The following PAX5 variants were observed in gnomAD, a reference collection of about 807,000 sequenced individuals.
PAX5 encodes the protein paired box 5, also known as paired box protein Pax-5.
Under a neutral mutation model 43.7 loss-of-function variants are expected in PAX5, and 9 were observed. That is an observed-to-expected ratio of 0.21 (90% CI 0.12 to 0.36). PAX5 has a LOEUF of 0.36. Among genes scored for constraint, PAX5 ranks in the 10% least tolerant of loss-of-function variants. The probability of loss-of-function intolerance (pLI) is 1.00; values close to 1 mark genes in which losing one functional copy is unlikely to be tolerated. For missense variants in PAX5, 383 were observed against 532.7 expected (o/e 0.72, Z 2.77); for synonymous variants, 228 against 214.3 (o/e 1.06, Z -0.56).
chr9:36,968,544 A>T (rs1385262536), intron 5 of PAX5, among the ~76,000 whole-genome samples: 1 of 152,186 alleles, frequency 6.6e-6, no homozygotes, highest in Non-Finnish European at 1.5e-5. Flanking sequence ...GAGAAAATGG[A>T]TTCCCCACCA....
intron 5 of PAX5, among the ~76,000 whole-genome samples, chr9:36,970,357 A>G (rs1834832949): frequency 6.6e-6 from 1 of 152,082 alleles, no homozygotes; most frequent in African/African-American, 2.4e-5. Flanking sequence ...GGTGAAAGGA[A>G]CAGAGGGAGA....
chr9:36,899,713 T>C (rs1828200103), intron 7 of PAX5, among the ~76,000 whole-genome samples: 1 of 152,138 alleles, frequency 6.6e-6, no homozygotes, highest in Non-Finnish European at 1.5e-5. Context: ...TTCTTCTCCC[T>C]TACTTTTTCC....
chr9:36,927,077 G>T (rs980653404), intron 6 of PAX5, among the ~76,000 whole-genome samples: 1 of 152,148 alleles, frequency 6.6e-6, no homozygotes, highest in Admixed American at 6.5e-5. Context: ...GTTAGAGGGG[G>T]TGCAAGCGTA....
intron 7 of PAX5, among the ~76,000 whole-genome samples, chr9:36,913,313 C>G (rs1829456835): frequency 6.6e-6 from 1 of 152,276 alleles, no homozygotes; most frequent in South Asian, 2.1e-4. Flanking sequence ...CTCCTCCTCA[C>G]ATGCCAACTT....
chr9:36,970,945 C>T (rs796440256), intron 5 of PAX5, among the ~76,000 whole-genome samples: 34 of 152,254 alleles, frequency 2.2e-4, no homozygotes, highest in African/African-American at 7.9e-4. Context: ...TCCTCCAAAG[C>T]GAATATCTGT....
At chr9:36,878,543 T>C (rs1826123652) in intron 8 of PAX5, among the ~76,000 whole-genome samples, 1 of 152,156 alleles carries the variant, frequency 6.6e-6, no homozygotes, top group Non-Finnish European at 1.5e-5. Context: ...TCAAGAATGA[T>C]GAAGGAACTG....
rs1829261731 is a variant in PAX5 at position 36,911,296 on chromosome 9, G to A, written c.910+12059C>T. Among the ~76,000 whole-genome samples, 3 of 152,070 alleles carry A rather than the reference G, an allele frequency of 2.0e-5. No homozygotes were observed. In the South Asian group the frequency reaches 6.2e-4, roughly 32 times the overall value. ...GAGAGCCCAATAAGCTGTAACTACT[G>A]ATATTATCTCCTTTCCAATGCACAA... On this transcript the variant is annotated intron_variant, in intron 7 of 9. Coordinates refer to ENST00000358127, the MANE Select transcript of PAX5 (RefSeq NM_016734.3).
chr9:36,947,819 G>A lies in PAX5; in HGVS notation c.780+18730C>T, dbSNP rs75421820. On this transcript the variant is annotated intron_variant, in intron 6 of 9. Coordinates refer to ENST00000358127, the MANE Select transcript of PAX5 (RefSeq NM_016734.3). The stretch of plus-strand genomic sequence containing the variant: ...CTACTCTCCCTTTCCCAGACTGAAC[G>A]CATATGCATATGTCTCCATGCTTTT... Among the ~76,000 whole-genome samples the A allele has an allele frequency of 2.1e-4, 32 of 149,406 alleles. 1 individual carries two copies. The South Asian group carries it at 6.3e-3, about 29-fold the overall frequency.
At chr9:36,989,411 TG>T (rs1588158118) in intron 5 of PAX5, among the ~76,000 whole-genome samples, 1 of 152,350 alleles carries the variant, frequency 6.6e-6, no homozygotes, top group East Asian at 1.9e-4. Flanking sequence ...TCACTCTCTC[TG>T]TATCTCTATA....
At chr9:36,983,451 T>G (rs968483535) in intron 5 of PAX5, among the ~76,000 whole-genome samples, 2 of 152,244 alleles carry the variant, frequency 1.3e-5, no homozygotes, top group African/African-American at 4.8e-5. Flanking sequence ...TATCATTTTA[T>G]TATGATTTTA....
intron 1 of PAX5, among the ~76,000 whole-genome samples, chr9:37,025,847 C>G (rs1319452903): frequency 6.6e-6 from 1 of 152,264 alleles, no homozygotes; most frequent in South Asian, 2.1e-4. Context: ...CGTTTCTTAT[C>G]CTCTTTTTTT....
intron 6 of PAX5, among the ~76,000 whole-genome samples, chr9:36,950,868 G>A (rs1832945701): frequency 6.6e-6 from 1 of 151,222 alleles, no homozygotes; most frequent in Non-Finnish European, 1.5e-5. Flanking sequence ...AGCCTCCCAA[G>A]TAGCTGGGAT....
At chr9:37,030,521 G>T (rs1160702279) in intron 1 of PAX5, among the ~76,000 whole-genome samples, 1 of 152,232 alleles carries the variant, frequency 6.6e-6, no homozygotes, top group Non-Finnish European at 1.5e-5. Flanking sequence ...GCCTCACTCT[G>T]ATCTACAGTG....
chr9:36,959,488 A>C (rs186932684), intron 6 of PAX5, among the ~76,000 whole-genome samples: 1 of 152,262 alleles, frequency 6.6e-6, no homozygotes, highest in African/African-American at 2.4e-5. Flanking sequence ...CCTAGGTAAG[A>C]ATTTTCAGTT....
intron 6 of PAX5, among the ~76,000 whole-genome samples, chr9:36,937,174 G>A (rs986728152): frequency 1.3e-5 from 2 of 152,162 alleles, no homozygotes; most frequent in African/African-American, 4.8e-5. Context: ...CATTGACTGG[G>A]TGCTTACTGT....
chr9:36,864,343 A>T (rs1276802520), intron 8 of PAX5: 1 of 154,280 alleles, frequency 6.5e-6, no homozygotes, highest in Non-Finnish European at 1.5e-5. Flanking sequence ...GAGCCTGAGG[A>T]GTTCCAGGAG....
At chr9:36,853,959 G>A (rs554291074) in intron 8 of PAX5, among the ~76,000 whole-genome samples, 3 of 152,216 alleles carry the variant, frequency 2.0e-5, no homozygotes, top group Non-Finnish European at 2.9e-5. Context: ...TTTGCAGAGC[G>A]CACTGGGGGC....
Position 36,839,392 on chromosome 9 carries a change from G to A in PAX5, c.*1168C>T, listed in dbSNP as rs1169097612. On this transcript the variant is annotated 3_prime_UTR_variant, in exon 10 of 10. Coordinates refer to ENST00000358127, the MANE Select transcript of PAX5 (RefSeq NM_016734.3). ...AGCCCCAGCACCTCCATGCCCAGCT[G>A]CCTGCTAAGCTCCACGAGGACGGGG... The A allele has an allele frequency of 4.3e-6, 1 of 233,614 alleles. No individual in the cohort carries two copies. Among genetic ancestry groups the A allele is most frequent in the African/African-American group, 2.2e-5 (1 of 45,382 alleles). 14.5% of individuals were successfully genotyped at this position (233,614 alleles called of 1,614,324 possible). A position where few individuals can be genotyped will look rare whatever the true frequency, so the allele number is the denominator to read the frequency against.
chr9:36,913,937 T>G (rs539934723), intron 7 of PAX5, among the ~76,000 whole-genome samples: 1 of 152,188 alleles, frequency 6.6e-6, no homozygotes, highest in African/African-American at 2.4e-5. Flanking sequence ...CTAACACAGG[T>G]GGAGTTAGAT....
Sources: allele counts gnomAD v4.1 joint callset (sites outside exome capture counted in the v4.1 genomes callset), GRCh38; gene constraint gnomAD v4.1.1; transcripts MANE v1.5; gene names NCBI Gene and HGNC (gene_info 2026-07-23, HGNC 2026-07-21).